Variants in ATIC observed in about 807,000 individuals in gnomAD.
ATIC encodes 5-aminoimidazole-4-carboxamide ribonucleotide formyltransferase/IMP cyclohydrolase, also known as bifunctional purine biosynthesis protein ATIC.
A neutral mutation model predicts 72.5 loss-of-function variants in ATIC; 64 were observed. That is an observed-to-expected ratio of 0.88 (90% CI 0.72 to 1.09). The LOEUF is 1.09. Among genes scored for constraint, ATIC ranks in the 50% least tolerant of loss-of-function variants. ATIC has a pLI of 0.00. For synonymous variants in ATIC, 281 were observed against 267.1 expected (o/e 1.05, Z -0.51); for missense variants, 787 against 732.4 (o/e 1.07, Z -0.86).
rs751669918 is a variant in ATIC, at chr2:215,334,936, T to G, written c.940T>G (p.Ser314Ala). The change falls in exon 10 of 16, where the codon TCA becomes GCA. Residue 314 changes from serine (S) to alanine (A), a missense_variant. By Grantham distance (99) the Ser-to-Ala change is moderately conservative (BLOSUM62 1). Transcript: ENST00000236959. ...ARARGADRMS[S>A]FGDFVALSDV... ...ATTTACAGGGGCTGATAGGATGTCT[T>G]CATTTGGTGATTTTGTTGCATTGTC... 3 of 1,613,584 alleles carry G rather than the reference T, an allele frequency of 1.9e-6. No homozygotes were observed. Among genetic ancestry groups the G allele is most frequent in the Non-Finnish European group, 2.5e-6 (3 of 1,179,670 alleles).
chr2:215,364,816 C>T, the ATIC span: 17 of 1,108,408 alleles, frequency 1.5e-5, no homozygotes, highest in South Asian at 1.6e-4. Flanking sequence ...TACGACACAT[C>T]CTTGCAGGAG....
In ATIC at chr2:215,346,861, T is replaced by C. The variant is rs2053076327; in HGVS notation, c.1423T>C (p.Ser475Pro). ...GCTTAGACACCATCCACAAGTGCTTTCGATGAAGTTTAAAACAGGAGTGAA... is the reference window on the plus strand; with the variant it reads ...GCTTAGACACCATCCACAAGTGCTTCCGATGAAGTTTAAAACAGGAGTGAA... The part of the protein sequence containing the change: ...WWLRHHPQVL[S>P]MKFKTGVKRA... Residue 475 changes from serine to proline, a missense_variant, in exon 14 of 16, where the codon TCG becomes CCG. By Grantham distance (74) the Ser-to-Pro change is moderately conservative. Transcript: ENST00000236959. 1 of 1,614,088 alleles carries C rather than the reference T, an allele frequency of 6.2e-7. No homozygotes were observed. The highest frequency in any genetic ancestry group is 1.1e-5 in the South Asian group (1 of 91,086).
At chr2:215,355,247 G>A in the ATIC span, among the ~76,000 whole-genome samples, 1 of 152,056 alleles carries the variant, frequency 6.6e-6, no homozygotes, top group Admixed American at 6.5e-5. Flanking sequence ...GTCTGGCACT[G>A]GAACCCCATT....
At chr2:215,333,211 A>G (rs868458651) in intron 8 of ATIC, 139 bp from the exon 9 acceptor site, 1 of 731,592 alleles carries the variant, frequency 1.4e-6, no homozygotes, top group Non-Finnish European at 2.4e-6. Context: ...ATCTGGCTAA[A>G]TAGATTTCTG....
the ATIC span, among the ~76,000 whole-genome samples, chr2:215,357,821 C>A: frequency 6.6e-6 from 1 of 151,360 alleles, no homozygotes; most frequent in Non-Finnish European, 1.5e-5. Flanking sequence ...TTAAATGTTT[C>A]CAAACATGGG....
chr2:215,349,068 T>G (rs532235155), intron 14 of ATIC, 26 bp from the exon 15 acceptor site: 50 of 1,613,838 alleles, frequency 3.1e-5, no homozygotes, highest in African/African-American at 4.0e-5. Context: ...CAGACCAAGC[T>G]TCTTCCTTTC....
At position 215,346,960 on chromosome 2, in the gene ATIC, G is replaced by C. The variant is rs781667427; in HGVS notation, c.1503+19G>C. The C allele has an allele frequency of 6.2e-7, 1 of 1,613,452 alleles. No individual in the cohort carries two copies. Among genetic ancestry groups the C allele is most frequent in the African/African-American group, 1.3e-5 (1 of 74,920 alleles). ...TGGCGAGGTGAAAGACTTGGCATTG[G>C]GTTCTCGGCTGTGTTAATATTCAGT... On this transcript the variant is annotated intron_variant, in intron 14 of 15. Transcript: ENST00000236959.
At chr2:215,330,435 C>T (rs111559047) in intron 7 of ATIC, among the ~76,000 whole-genome samples, 199 of 152,196 alleles carry the variant, frequency 1.3e-3, no homozygotes, top group African/African-American at 4.5e-3. Flanking sequence ...CCCGCTTCCC[C>T]GCAGTTTCTC....
intron 5 of ATIC, among the ~76,000 whole-genome samples, 191 bp from the exon 6 acceptor site, chr2:215,325,796 C>T (rs753884701): frequency 6.6e-6 from 1 of 152,082 alleles, no homozygotes; most frequent in Non-Finnish European, 1.5e-5. Context: ...GAACTCCTGA[C>T]CTCAGGTGAT....
At chr2:215,358,009 G>C in the ATIC span, among the ~76,000 whole-genome samples, 2 of 151,904 alleles carry the variant, frequency 1.3e-5, no homozygotes, top group Non-Finnish European at 2.9e-5. Flanking sequence ...ACTTTAATGA[G>C]TTTCATACCA....
intron 12 of ATIC, among the ~76,000 whole-genome samples, chr2:215,340,376 A>G (rs1349113097): frequency 2.0e-5 from 3 of 152,166 alleles, no homozygotes; most frequent in Non-Finnish European, 4.4e-5. Flanking sequence ...TTTTTGGAGT[A>G]TCTTAATTGG....
chr2:215,339,764 A>C (rs893093043), intron 12 of ATIC, among the ~76,000 whole-genome samples: 2 of 148,300 alleles, frequency 1.3e-5, no homozygotes, highest in African/African-American at 5.0e-5. Flanking sequence ...CCTCCCAAGT[A>C]GCTGGGACTA....
At chr2:215,359,378 A>C in the ATIC span, among the ~76,000 whole-genome samples, 2 of 151,236 alleles carry the variant, frequency 1.3e-5, no homozygotes, top group Non-Finnish European at 2.9e-5. Flanking sequence ...TTTGCAGCAC[A>C]TGTGTCTCAG....
chr2:215,321,639 C>T (rs930917143), intron 4 of ATIC, among the ~76,000 whole-genome samples: 12 of 152,178 alleles, frequency 7.9e-5, no homozygotes, highest in African/African-American at 2.2e-4. Flanking sequence ...TCCTCATCAA[C>T]GTTACTATCT....
In ATIC at chr2:215,338,766, A is replaced by ATC. The variant is rs747802012; in HGVS notation, c.1099-12_1099-11insCT. Reference sequence around the variant, plus strand: ...GGAGAGATTAACTTTAACTTTTAAAATTTGTATTTTAGATGGACCAATCTT... The same window carrying ATC: ...GGAGAGATTAACTTTAACTTTTAAAATCTTTGTATTTTAGATGGACCAATCTT... On this transcript the variant is annotated splice_polypyrimidine_tract_variant and intron_variant, in intron 11 of 15. Transcript: ENST00000236959. The ATC allele has an allele frequency of 1.9e-6, 3 of 1,612,626 alleles. No individual in the cohort carries two copies. The highest frequency in any genetic ancestry group is 2.2e-5 in the East Asian group (1 of 44,722).
intron 4 of ATIC, among the ~76,000 whole-genome samples, chr2:215,321,215 A>G (rs1375269306): frequency 6.6e-6 from 1 of 152,200 alleles, no homozygotes; most frequent in Non-Finnish European, 1.5e-5. Flanking sequence ...ACATTTTCAT[A>G]TAAATAGAAT....
the ATIC span, among the ~76,000 whole-genome samples, chr2:215,365,966 A>AT: frequency 0.23 from 21,200 of 90,304 alleles, 2,844 homozygotes; most frequent in Non-Finnish European, 0.26. Flanking sequence ...CCACAGTGCT[A>AT]TTTTTTTTTT....
At position 215,349,178 on chromosome 2, in the gene ATIC, A is replaced by G. The variant is rs1482387737; in HGVS notation, c.1588A>G (p.Lys530Glu). ...GGCAGAGAAGAAGGAATGGGTTGAGAAACTGACTGAAGTTTCTATCAGCTC... is the reference window on the plus strand; with the variant it reads ...GGCAGAGAAGAAGGAATGGGTTGAGGAACTGACTGAAGTTTCTATCAGCTC... ...TEAEKKEWVE[K>E]LTEVSISSDA... Residue 530 changes from lysine to glutamate, a missense_variant, in exon 15 of 16, where the codon AAA (lysine) becomes GAA (glutamate). Lys to Glu is a moderately conservative substitution (Grantham distance 56, BLOSUM62 1). Transcript: ENST00000236959. 1 of 1,614,154 alleles carries G rather than the reference A, an allele frequency of 6.2e-7. No homozygotes were observed. Among genetic ancestry groups the G allele is most frequent in the East Asian group, 2.2e-5 (1 of 44,864 alleles).
At chr2:215,333,778 C>T (rs2106020692) in intron 9 of ATIC, among the ~76,000 whole-genome samples, 1 of 152,224 alleles carries the variant, frequency 6.6e-6, no homozygotes, top group South Asian at 2.1e-4. Context: ...CGCAATGTCT[C>T]ACGCCTGTAG....
Sources: gnomAD v4.1 joint callset for allele counts (sites outside exome capture counted in the v4.1 genomes callset) on GRCh38, gnomAD v4.1.1 for gene constraint, MANE v1.5 for transcripts, NCBI Gene and HGNC (gene_info 2026-07-23, HGNC 2026-07-21) for gene names.